USP16: variants seen among roughly 807,000 people sequenced by gnomAD.
The protein encoded by USP16 is ubiquitin carboxyl-terminal hydrolase 16.
In USP16, 77 loss-of-function variants were observed where a neutral mutation model predicts 95.9. The observed-to-expected ratio is 0.80, with a 90% CI of 0.67 to 0.97. The LOEUF is 0.97. Among genes scored for constraint, USP16 ranks in the 50% least tolerant of loss-of-function variants. The pLI, the probability that USP16 is intolerant of heterozygous loss-of-function variation, is 0.00. For missense variants in USP16, 943 were observed against 959.9 expected (o/e 0.98, Z 0.23); for synonymous variants, 303 against 318.2 (o/e 0.95, Z 0.51).
chr21:29,041,882 A>G lies in USP16; in HGVS notation c.1031-131A>G, dbSNP rs2085248548. 4 of 689,800 alleles carry G rather than the reference A, an allele frequency of 5.8e-6. No homozygotes were observed. In the Admixed American group the frequency reaches 8.1e-5, roughly 14 times the overall value. The allele number at this position is 689,800 out of a possible 1,614,324, so 42.7% of individuals were successfully genotyped here. ...GCTTAAAAAAGGTGATTATGAATGG[A>G]GGAAGAAGTCTGTGGGACAGGAAAT... On this transcript the variant is annotated intron_variant, in intron 10 of 17. Transcript: ENST00000399976.
At chr21:29,026,764 A>G (rs2084998415) in intron 1 of USP16, 1 of 151,798 alleles carries the variant, frequency 6.6e-6, no homozygotes, top group African/African-American at 2.4e-5. Flanking sequence ...AAATGCCTCT[A>G]TTTAAAGTGT....
intron 2 of USP16, 39 bp downstream of exon 2, chr21:29,028,013 T>G: frequency 6.9e-7 from 1 of 1,443,158 alleles, no homozygotes; most frequent in Non-Finnish European, 9.7e-7. Context: ...TTTATATCTC[T>G]AAATGAATAT....
At chr21:29,053,657 A>G in intron 16 of USP16, 145 bp from the exon 17 acceptor site, 2 of 736,636 alleles carry the variant, frequency 2.7e-6, no homozygotes, top group South Asian at 4.3e-5. Flanking sequence ...GAGAAGAGGT[A>G]TGGAGAAAAG....
chr21:29,047,489 A>G (rs1228216830), intron 14 of USP16, among the ~76,000 whole-genome samples, 168 bp downstream of exon 14: 1 of 152,198 alleles, frequency 6.6e-6, no homozygotes, highest in Non-Finnish European at 1.5e-5. Context: ...TGAAGTGGCT[A>G]ATACACTGTG....
chr21:29,044,254 G>A (rs1388288594), intron 13 of USP16, among the ~76,000 whole-genome samples: 1 of 151,702 alleles, frequency 6.6e-6, no homozygotes, highest in Non-Finnish European at 1.5e-5. Context: ...TTCCTTTTAT[G>A]ACAAAGATAA....
At chr21:29,051,201 G>A (rs1461696994) in intron 16 of USP16, among the ~76,000 whole-genome samples, 1 of 152,108 alleles carries the variant, frequency 6.6e-6, no homozygotes, top group Non-Finnish European at 1.5e-5. Context: ...GAGAAAAGCA[G>A]GTTGAGAAAA....
chr21:29,039,483 C>T lies in USP16; in HGVS notation c.866C>T (p.Ala289Val), dbSNP rs765786674. 1 of 1,612,640 alleles carries T rather than the reference C, an allele frequency of 6.2e-7. No homozygotes were observed. Among genetic ancestry groups the T allele is most frequent in the South Asian group, 1.1e-5 (1 of 90,994 alleles). Residue 289 changes from alanine (A) to valine (V), a missense_variant and splice_region_variant, in exon 9 of 18, where the codon GCA (alanine) becomes GTA (valine). Physicochemically the swap from Ala to Val is moderately conservative, Grantham distance 64. Transcript: ENST00000399976. The stretch of plus-strand genomic sequence containing the variant: ...TCTGTCTTTTTGTTTTTCTCTAGAG[C>T]AGTGCGGTTTAAAGGCTATCAGCAG... ...KELFSQVCKK[A>V]VRFKGYQQQD...
At chr21:29,026,853 G>GT (rs201366690) in intron 1 of USP16, among the ~76,000 whole-genome samples, 182 of 152,018 alleles carry the variant, frequency 1.2e-3, no homozygotes, top group African/African-American at 3.7e-3. Context: ...AACTTTAGTG[G>GT]TTTTTTTTGT....
At chr21:29,046,547 A>G (rs761121516) in intron 13 of USP16, 120 bp from the exon 14 acceptor site, 7 of 1,055,918 alleles carry the variant, frequency 6.6e-6, no homozygotes, top group Non-Finnish European at 9.3e-6. Context: ...TTGATTGACA[A>G]GCAGCAAAAC....
chr21:29,050,210 C>G (rs754457824), intron 16 of USP16, 32 bp downstream of exon 16: 2 of 1,598,338 alleles, frequency 1.3e-6, no homozygotes, highest in Middle Eastern at 1.9e-4. Context: ...CAGGAAAGTC[C>G]TTTAAAGTCA....
At chr21:29,035,334 T>G (rs1265184646) in intron 4 of USP16, among the ~76,000 whole-genome samples, 1 of 152,112 alleles carries the variant, frequency 6.6e-6, no homozygotes, top group Non-Finnish European at 1.5e-5. Context: ...AACAGATTTT[T>G]ACGTCTTAAA....
chr21:29,051,616 A>G (rs551746325), intron 16 of USP16, among the ~76,000 whole-genome samples: 21 of 152,332 alleles, frequency 1.4e-4, no homozygotes, highest in Non-Finnish European at 2.1e-4. Flanking sequence ...GGATCACTTG[A>G]GGTGAGGAGT....
intron 4 of USP16, 112 bp downstream of exon 4, chr21:29,035,052 T>A: frequency 1.1e-6 from 1 of 950,542 alleles, no homozygotes; most frequent in Non-Finnish European, 1.6e-6. Flanking sequence ...TAGTATGTTT[T>A]AAAATACCAT....
intron 17 of USP16, 37 bp downstream of exon 17, chr21:29,053,995 T>C (rs752735443): frequency 8.7e-6 from 14 of 1,613,100 alleles, no homozygotes; most frequent in South Asian, 5.5e-5. Flanking sequence ...CTCAGCAGAT[T>C]ACGGCAAAAC....
At chr21:29,035,925 A>C (rs1230736252) in intron 4 of USP16, among the ~76,000 whole-genome samples, 1 of 152,132 alleles carries the variant, frequency 6.6e-6, no homozygotes, top group Non-Finnish European at 1.5e-5. Context: ...CTCAAAAAAA[A>C]CCAAAAAACA....
intron 1 of USP16, chr21:29,026,639 C>A (rs994332107): frequency 7.3e-6 from 1 of 137,810 alleles, no homozygotes; most frequent in Non-Finnish European, 1.5e-5. Context: ...ACCTCGATCT[C>A]CCAAAGTGTT....
chr21:29,042,371 A>T, intron 11 of USP16, 101 bp from the exon 12 acceptor site: 1 of 1,204,884 alleles, frequency 8.3e-7, no homozygotes, highest in Non-Finnish European at 1.2e-6. Flanking sequence ...TGTTTATTTT[A>T]AAACCCATCC....
At chr21:29,031,249 T>C (rs952032187) in intron 3 of USP16, among the ~76,000 whole-genome samples, 1 of 152,124 alleles carries the variant, frequency 6.6e-6, no homozygotes, top group African/African-American at 2.4e-5. Context: ...CCTTGATCTT[T>C]GGCAGTGAGG....
In USP16 at chr21:29,054,136, T is replaced by A; in HGVS notation, c.2421T>A (p.Thr807=). The change falls in exon 18 of 18, where the codon ACT becomes ACA. Residue 807 remains threonine, a synonymous_variant. Transcript: ENST00000399976. ...SDTHVQAVPT[T]KVLNSQAYLL... is the part of the protein sequence containing the mutation. ...CACATGTGCAAGCTGTGCCTACAACTAAAGTACTAAACTCACAAGCGTACC... is the reference window on the plus strand; with the variant it reads ...CACATGTGCAAGCTGTGCCTACAACAAAAGTACTAAACTCACAAGCGTACC... 5.6e-6 allele frequency: 9 copies of A among 1,614,226 alleles called. No individual in the cohort carries two copies. Among genetic ancestry groups the A allele is most frequent in the Non-Finnish European group, 6.8e-6 (8 of 1,180,032 alleles).
Sources: gnomAD v4.1 joint callset for allele counts (sites outside exome capture counted in the v4.1 genomes callset) on GRCh38, gnomAD v4.1.1 for gene constraint, MANE v1.5 for transcripts, NCBI Gene and HGNC (gene_info 2026-07-23, HGNC 2026-07-21) for gene names.